The following PPP2R2B variants were observed in gnomAD, a reference collection of about 807,000 sequenced individuals.
PPP2R2B encodes protein phosphatase 2 regulatory subunit Bbeta.
In PPP2R2B, 5 loss-of-function variants were observed where a neutral mutation model predicts 46.0. The ratio of observed to expected loss-of-function variants is 0.11; its 90% CI spans 0.06 to 0.23. The LOEUF is 0.23. Among genes scored for constraint, PPP2R2B ranks in the 10% least tolerant of loss-of-function variants. The probability of loss-of-function intolerance (pLI) is 1.00; values close to 1 mark genes in which losing one functional copy is unlikely to be tolerated. For synonymous variants in PPP2R2B, 215 were observed against 206.7 expected (o/e 1.04, Z -0.34); for missense variants, 367 against 575.0 (o/e 0.64, Z 3.70).
chr5:146,831,497 T>TC (rs1758934348), intron 2 of PPP2R2B, among the ~76,000 whole-genome samples: 1 of 31,000 alleles, frequency 3.2e-5, no homozygotes, highest in African/African-American at 1.3e-4. Flanking sequence ...ACTCCATCTC[T>TC]CAAAAAAAAA....
In PPP2R2B at chr5:146,688,557, T is replaced by A. The variant is rs910503375; in HGVS notation, c.447+2571A>T. Among the ~76,000 whole-genome samples, 7 of 151,968 alleles carry A rather than the reference T, an allele frequency of 4.6e-5. No individual in the cohort carries two copies. The South Asian group carries it at 1.3e-3, about 27-fold the overall frequency. On this transcript the variant is annotated intron_variant, in intron 5 of 9. Coordinates refer to ENST00000394411, the MANE Select transcript of PPP2R2B (RefSeq NM_181675.4). ...TAGGTTGTTAGGTTACACAGCTGGT[T>A]AGTAAGAAAGCAAGAACCAGAGTTG...
At position 146,670,738 on chromosome 5, in the gene PPP2R2B, C is replaced by T. The variant is rs556736681; in HGVS notation, c.448-20014G>A. Among the ~76,000 whole-genome samples the T allele has an allele frequency of 8.6e-5, 13 of 151,996 alleles. No individual in the cohort carries two copies. The South Asian group carries it at 2.1e-3, about 24-fold the overall frequency. ...CTCGAACTCCTGACTTCAAGCGATC[C>T]GCATGCCTGGCCTCCTAAAGTACTG... On this transcript the variant is annotated intron_variant, in intron 5 of 9. Coordinates refer to ENST00000394411, the MANE Select transcript of PPP2R2B (RefSeq NM_181675.4).
At chr5:146,715,697 G>T (rs778824258) in intron 2 of PPP2R2B, among the ~76,000 whole-genome samples, 96 of 152,140 alleles carry the variant, frequency 6.3e-4, no homozygotes, top group Non-Finnish European at 9.1e-4. Context: ...GTGGAGCTGG[G>T]ATTTAAACCC....
chr5:146,823,387 C>T (rs543603864), intron 2 of PPP2R2B, among the ~76,000 whole-genome samples: 170 of 151,948 alleles, frequency 1.1e-3, no homozygotes, highest in African/African-American at 3.8e-3. Context: ...TTGATAGAGA[C>T]GGGGTTTCAC....
chr5:146,765,100 TA>T (rs1754400667), intron 2 of PPP2R2B, among the ~76,000 whole-genome samples: 1 of 152,234 alleles, frequency 6.6e-6, no homozygotes, highest in South Asian at 2.1e-4. Flanking sequence ...TCTTCTTTTT[TA>T]AGTTCCAAAT....
intron 1 of PPP2R2B, among the ~76,000 whole-genome samples, chr5:147,038,193 C>A (rs531264962): frequency 1.3e-5 from 2 of 152,232 alleles, no homozygotes; most frequent in South Asian, 4.1e-4. Context: ...TCAGAGGGAA[C>A]TGGGGATGGC....
chr5:146,803,476 T>C (rs1419082667), intron 2 of PPP2R2B, among the ~76,000 whole-genome samples: 1 of 152,214 alleles, frequency 6.6e-6, no homozygotes. Flanking sequence ...CAGTTTTAAT[T>C]CGGCATTTAA....
At chr5:146,621,478 C>G (rs1452429232) in intron 7 of PPP2R2B, among the ~76,000 whole-genome samples, 1 of 152,196 alleles carries the variant, frequency 6.6e-6, no homozygotes, top group Non-Finnish European at 1.5e-5. Context: ...GTGCTGAGAA[C>G]AGACACTGGC....
intron 2 of PPP2R2B, chr5:146,751,444 C>T (rs1753552428): frequency 6.6e-6 from 1 of 152,196 alleles, no homozygotes; most frequent in Non-Finnish European, 1.5e-5. Context: ...GTGGTCTGGC[C>T]CCTGCCTGCC....
chr5:146,945,844 A>AT (rs147066498), intron 1 of PPP2R2B, among the ~76,000 whole-genome samples: 36 of 152,312 alleles, frequency 2.4e-4, no homozygotes, highest in Non-Finnish European at 4.7e-4. Context: ...ATTGTTTCCA[A>AT]GAATGAGCTG....
chr5:147,037,126 A>T (rs1323583187), intron 1 of PPP2R2B, among the ~76,000 whole-genome samples: 1 of 150,694 alleles, frequency 6.6e-6, no homozygotes, highest in Non-Finnish European at 1.5e-5. Context: ...ACTCCAGCAT[A>T]CAGCTCTTGA....
chr5:146,619,412 G>A (rs371987361), intron 7 of PPP2R2B, among the ~76,000 whole-genome samples: 9 of 152,044 alleles, frequency 5.9e-5, no homozygotes, highest in East Asian at 1.9e-4. Flanking sequence ...CCTGGTAGGC[G>A]GAGATTGCAC....
chr5:146,897,209 C>T (rs930322355), intron 1 of PPP2R2B, among the ~76,000 whole-genome samples: 10 of 152,134 alleles, frequency 6.6e-5, no homozygotes, highest in Non-Finnish European at 2.9e-5. Flanking sequence ...CCCCATCTAT[C>T]TTGCAAAAAC....
chr5:146,779,685 C>T (rs2151280730), intron 2 of PPP2R2B, among the ~76,000 whole-genome samples: 1 of 152,218 alleles, frequency 6.6e-6, no homozygotes, highest in East Asian at 1.9e-4. Flanking sequence ...TAGATGCATG[C>T]TTGGTCATAG....
At chr5:146,778,521 T>G (rs1755322022) in intron 2 of PPP2R2B, among the ~76,000 whole-genome samples, 3 of 152,234 alleles carry the variant, frequency 2.0e-5, no homozygotes, top group Admixed American at 2.0e-4. Context: ...TTGTCACTTC[T>G]TGATTTTTTC....
intron 5 of PPP2R2B, among the ~76,000 whole-genome samples, chr5:146,688,603 A>G (rs1009731610): frequency 1.3e-5 from 2 of 152,112 alleles, no homozygotes; most frequent in Non-Finnish European, 2.9e-5. Context: ...ACTCCCAGCC[A>G]CACCTCAGGG....
chr5:146,940,511 G>GAA (rs5871997), intron 1 of PPP2R2B, among the ~76,000 whole-genome samples: 2,141 of 143,232 alleles, frequency 0.015, 50 homozygotes, highest in Admixed American at 0.05. Context: ...TTTGCTAGGG[G>GAA]AAAAAAAAAA....
chr5:146,811,854 A>T (rs1222668208), intron 2 of PPP2R2B, among the ~76,000 whole-genome samples: 1 of 151,266 alleles, frequency 6.6e-6, no homozygotes, highest in Non-Finnish European at 1.5e-5. Context: ...GGTGTGAGCC[A>T]CCGTGCCCAG....
chr5:146,719,338 C>T (rs1458415481), intron 2 of PPP2R2B, among the ~76,000 whole-genome samples: 1 of 152,110 alleles, frequency 6.6e-6, no homozygotes, highest in Non-Finnish European at 1.5e-5. Flanking sequence ...TAGTATTTTA[C>T]CTAGAAGTAA....
Sources: allele counts gnomAD v4.1 joint callset (sites outside exome capture counted in the v4.1 genomes callset), GRCh38; gene constraint gnomAD v4.1.1; transcripts MANE v1.5; gene names NCBI Gene and HGNC (gene_info 2026-07-23, HGNC 2026-07-21).